The following FHIT variants were observed in gnomAD, a reference collection of about 807,000 sequenced individuals.
FHIT encodes the protein fragile histidine triad diadenosine triphosphatase.
Under a neutral mutation model 17.9 loss-of-function variants are expected in FHIT, and 19 were observed. That is an observed-to-expected ratio of 1.06 (90% CI 0.74 to 1.56). The LOEUF (loss-of-function observed/expected upper bound fraction) is 1.56, where lower values mean the gene tolerates loss of function less well. Among genes scored for constraint, FHIT ranks in the 40% most tolerant of loss-of-function variants. FHIT has a pLI of 0.00. For missense variants in FHIT, 248 were observed against 189.2 expected, an observed-to-expected ratio of 1.31 and a Z score of -1.82; for synonymous variants, 81 against 69.7, an observed-to-expected ratio of 1.16 and a Z score of -0.81.
chr3:60,966,331 G>T (rs78796313), intron 3 of FHIT, among the ~76,000 whole-genome samples: 1 of 152,178 alleles, frequency 6.6e-6, no homozygotes, highest in Non-Finnish European at 1.5e-5. Context: ...TCCAGGTACC[G>T]TCTCTCACGG....
intron 2 of FHIT, among the ~76,000 whole-genome samples, chr3:61,124,091 T>C (rs1013924158): frequency 2.2e-4 from 34 of 152,128 alleles, no homozygotes; most frequent in African/African-American, 7.5e-4. Context: ...AAGAATTGTA[T>C]TTTTTCCTGT....
At chr3:60,337,853 G>A (rs1710317767) in intron 5 of FHIT, among the ~76,000 whole-genome samples, 1 of 152,156 alleles carries the variant, frequency 6.6e-6, no homozygotes, top group Non-Finnish European at 1.5e-5. Flanking sequence ...AAAGAAAACA[G>A]TTTGCATTCC....
At chr3:60,137,335 C>G (rs1340641723) in intron 5 of FHIT, among the ~76,000 whole-genome samples, 1 of 152,146 alleles carries the variant, frequency 6.6e-6, no homozygotes, top group East Asian at 1.9e-4. Flanking sequence ...GTGAGAGTCC[C>G]CCAGGAACAC....
intron 4 of FHIT, among the ~76,000 whole-genome samples, chr3:60,784,970 AT>A (rs1553726493): frequency 6.6e-6 from 1 of 151,822 alleles, no homozygotes; most frequent in African/African-American, 2.4e-5. Context: ...TGAGACAGAC[AT>A]TTCTGTTGTT....
chr3:60,713,073 C>G (rs2041583715), intron 4 of FHIT, among the ~76,000 whole-genome samples: 3 of 152,228 alleles, frequency 2.0e-5, no homozygotes, highest in African/African-American at 7.2e-5. Flanking sequence ...TTATAACAAA[C>G]TGTCTCTCAG....
intron 5 of FHIT, among the ~76,000 whole-genome samples, chr3:60,091,627 C>T (rs115657005): frequency 0.032 from 4,938 of 152,178 alleles, 110 homozygotes; most frequent in Non-Finnish European, 0.043. Flanking sequence ...AAGTGGGGCA[C>T]GGTGAGAGGT....
chr3:61,132,534 G>A (rs1307119679), intron 2 of FHIT, among the ~76,000 whole-genome samples: 1 of 152,204 alleles, frequency 6.6e-6, no homozygotes, highest in East Asian at 1.9e-4. Context: ...CAAACATGGG[G>A]ATGCCGATAA....
chr3:60,592,408 T>C (rs370490175), intron 4 of FHIT, among the ~76,000 whole-genome samples: 19 of 152,026 alleles, frequency 1.2e-4, no homozygotes, highest in South Asian at 4.2e-4. Flanking sequence ...AAAATAACAA[T>C]GGCTTAAGCA....
intron 4 of FHIT, among the ~76,000 whole-genome samples, chr3:60,784,762 G>A (rs79652124): frequency 6.6e-6 from 1 of 152,098 alleles, no homozygotes; most frequent in Admixed American, 6.5e-5. Flanking sequence ...GATGGCATGA[G>A]GAAGTAGGGC....
chr3:60,276,523 C>T (rs1000260747), intron 5 of FHIT, among the ~76,000 whole-genome samples: 2 of 152,044 alleles, frequency 1.3e-5, no homozygotes, highest in East Asian at 3.9e-4. Context: ...AATGGAGATG[C>T]CTCAATAGTG....
intron 8 of FHIT, among the ~76,000 whole-genome samples, chr3:59,841,953 G>C (rs965875924): frequency 3.3e-5 from 5 of 152,134 alleles, no homozygotes; most frequent in African/African-American, 1.2e-4. Context: ...GTACAGTCCA[G>C]TGACAATAAG....
At chr3:59,880,384 C>A (rs950015893) in intron 8 of FHIT, among the ~76,000 whole-genome samples, 4 of 152,174 alleles carry the variant, frequency 2.6e-5, no homozygotes, top group African/African-American at 9.6e-5. Flanking sequence ...TCTACTACCA[C>A]CCCTTTGGTC....
At chr3:60,112,873 G>A (rs1704739233) in intron 5 of FHIT, among the ~76,000 whole-genome samples, 1 of 152,164 alleles carries the variant, frequency 6.6e-6, no homozygotes, top group Non-Finnish European at 1.5e-5. Context: ...CTATGGCATA[G>A]AAGGCCTTCC....
At chr3:60,924,969 A>T (rs1406606929) in intron 3 of FHIT, among the ~76,000 whole-genome samples, 1 of 152,192 alleles carries the variant, frequency 6.6e-6, no homozygotes, top group Admixed American at 6.5e-5. Flanking sequence ...GTGATGGAAG[A>T]TCAAATGAAT....
intron 4 of FHIT, among the ~76,000 whole-genome samples, chr3:60,614,834 T>G (rs1297350460): frequency 8.6e-5 from 7 of 81,766 alleles, no homozygotes; most frequent in South Asian, 3.6e-4. Context: ...TTTTTTTGTT[T>G]TTTTTTTGTT....
chr3:60,204,256 A>G (rs1703054966), intron 5 of FHIT, among the ~76,000 whole-genome samples: 1 of 151,786 alleles, frequency 6.6e-6, no homozygotes, highest in Non-Finnish European at 1.5e-5. Flanking sequence ...AAATATATGG[A>G]GAGGTATTTT....
intron 5 of FHIT, among the ~76,000 whole-genome samples, chr3:60,382,216 T>G (rs935405665): frequency 6.6e-6 from 1 of 152,222 alleles, no homozygotes; most frequent in Non-Finnish European, 1.5e-5. Flanking sequence ...GTGTTTGGAA[T>G]AGACATCTCT....
intron 5 of FHIT, among the ~76,000 whole-genome samples, chr3:60,099,596 T>A (rs1176839216): frequency 2.6e-5 from 4 of 152,148 alleles, no homozygotes; most frequent in Non-Finnish European, 5.9e-5. Flanking sequence ...CCTTTCTGAA[T>A]GCCCCCAATG....
At chr3:60,472,787 T>C (rs2033154413) in intron 5 of FHIT, among the ~76,000 whole-genome samples, 1 of 152,264 alleles carries the variant, frequency 6.6e-6, no homozygotes, top group South Asian at 2.1e-4. Flanking sequence ...AAAAATGACT[T>C]GTGTGTCCCA....
Sources: gnomAD v4.1 joint callset for allele counts (sites outside exome capture counted in the v4.1 genomes callset) on GRCh38, gnomAD v4.1.1 for gene constraint, MANE v1.5 for transcripts, NCBI Gene and HGNC (gene_info 2026-07-23, HGNC 2026-07-21) for gene names.